Variants in BMP1 observed in about 807,000 individuals in gnomAD.
The protein encoded by BMP1 is mammalian tolloid protein.
BMP1 carries 63 observed loss-of-function variants against 116.8 expected under a neutral mutation model. That is an observed-to-expected ratio of 0.54 (90% CI 0.44 to 0.67). The LOEUF (loss-of-function observed/expected upper bound fraction) is 0.67. Among genes scored for constraint, BMP1 ranks in the 30% least tolerant of loss-of-function variants. The pLI is 0.00. For missense variants in BMP1, 1,183 were observed against 1,358.9 expected (o/e 0.87, Z 2.04); for synonymous variants, 536 against 533.4 (o/e 1.00, Z -0.07).
At chr8:22,198,010 C>T (rs1035361621) in intron 15 of BMP1, among the ~76,000 whole-genome samples, 1 of 152,056 alleles carries the variant, frequency 6.6e-6, no homozygotes, top group Non-Finnish European at 1.5e-5. Context: ...CATAGCGAGA[C>T]CCCATCTCTA....
chr8:22,207,132 T>G, intron 17 of BMP1, 151 bp downstream of exon 17: 1 of 1,428,624 alleles, frequency 7.0e-7, no homozygotes, highest in Non-Finnish European at 9.5e-7. Context: ...TTTCCCAGTA[T>G]AAATTAGGGG....
intron 15 of BMP1, chr8:22,201,073 A>AC: frequency 1.1e-4 from 78 of 704,550 alleles, no homozygotes; most frequent in Admixed American, 4.8e-4. Context: ...CCTGCCCTCC[A>AC]CCCCCACCCC....
At chr8:22,185,964 T>C (rs531448378) in intron 8 of BMP1, among the ~76,000 whole-genome samples, 1 of 151,606 alleles carries the variant, frequency 6.6e-6, no homozygotes, top group South Asian at 2.1e-4. Context: ...GCCTCCCCAG[T>C]AGCTGGGATT....
At position 22,165,882 on chromosome 8, in the gene BMP1, C is replaced by CGTGTGTGTGTGTGTGTGTGTGTGTGT. The variant is rs149003237; in HGVS notation, c.148+348_148+373dup. On this transcript the variant is annotated intron_variant, in intron 1 of 19. Coordinates refer to ENST00000306385, the MANE Select transcript of BMP1 (RefSeq NM_006129.5). ...TTTTCTGGCCAAACTCCTGTGCGTG[C>CGTGTGTGTGTGTGTGTGTGTGTGTGT]GTGTGTGTGTGTGTGTGTGTGTGTG... Among the ~76,000 whole-genome samples the CGTGTGTGTGTGTGTGTGTGTGTGTGT allele has an allele frequency of 1.2e-3, 164 of 131,416 alleles. 5 individuals are homozygous for CGTGTGTGTGTGTGTGTGTGTGTGTGT. The highest frequency in any genetic ancestry group is 4.0e-3 in the Middle Eastern group (1 of 252). The allele number at this position is 131,416 out of a possible 152,430, so 86.2% of individuals were successfully genotyped here. A position where few individuals can be genotyped will look rare whatever the true frequency, so the allele number is the denominator to read the frequency against.
chr8:22,170,516 G>A (rs1193801883), intron 1 of BMP1: 2 of 152,222 alleles, frequency 1.3e-5, no homozygotes, highest in African/African-American at 4.8e-5. Context: ...AGCCAACCTG[G>A]ATTCCAAGAC....
Position 22,179,557 on chromosome 8 carries a change from G to A in BMP1, c.837-148G>A. 1 of 1,376,680 alleles carries A rather than the reference G, an allele frequency of 7.3e-7. No individual in the cohort carries two copies. Among genetic ancestry groups the A allele is most frequent in the Non-Finnish European group, 9.8e-7 (1 of 1,021,020 alleles). The allele number at this position is 1,376,680 out of a possible 1,614,324, so 85.3% of individuals were successfully genotyped here. ...TGGTCAGTGGGTAGCATAATGACAG[G>A]GTGAGACGACTCCACCCGGCCCTGA... On this transcript the variant is annotated intron_variant, in intron 6 of 19. Coordinates refer to ENST00000306385, the MANE Select transcript of BMP1 (RefSeq NM_006129.5). The surrounding 1 kb of genome is among the most constrained non-coding windows in gnomAD (Gnocchi z 4.6).
intron 8 of BMP1, among the ~76,000 whole-genome samples, chr8:22,183,855 C>T (rs920006254): frequency 3.9e-5 from 6 of 152,128 alleles, no homozygotes; most frequent in East Asian, 1.9e-4. Flanking sequence ...GGATTACAGA[C>T]GTGAGCCGCC....
At chr8:22,207,844 C>T (rs1290739231) in intron 18 of BMP1, among the ~76,000 whole-genome samples, 1 of 152,130 alleles carries the variant, frequency 6.6e-6, no homozygotes, top group East Asian at 1.9e-4. Context: ...GAAATATACT[C>T]TATTCATTCT....
intron 15 of BMP1, 27 bp from the exon 16 acceptor site, chr8:22,201,776 C>A: frequency 1.2e-6 from 2 of 1,611,252 alleles, no homozygotes; most frequent in South Asian, 1.1e-5. Context: ...ACAGACCCAG[C>A]GTCTGCCCTT....
rs1828501763 is a variant in BMP1, at chr8:22,177,967, G to GGTGGGAGAATTCTCCAGGTGGGA, written c.836+11_836+12insTGGGAGAATTCTCCAGGTGGGAG. 1 of 1,598,030 alleles carries GGTGGGAGAATTCTCCAGGTGGGA rather than the reference G, an allele frequency of 6.3e-7. No homozygotes were observed. Among genetic ancestry groups the GGTGGGAGAATTCTCCAGGTGGGA allele is most frequent in the African/African-American group, 1.3e-5 (1 of 74,588 alleles). Reference sequence around the variant, plus strand: ...GGAACACATTCTCCAGGTGGGAGACGGGATTGGGGCTGGGCCTCTGCTCGG... The same window carrying GGTGGGAGAATTCTCCAGGTGGGA: ...GGAACACATTCTCCAGGTGGGAGACGGTGGGAGAATTCTCCAGGTGGGAGGATTGGGGCTGGGCCTCTGCTCGG... On this transcript the variant is annotated intron_variant, in intron 6 of 19. Coordinates refer to ENST00000306385, the MANE Select transcript of BMP1 (RefSeq NM_006129.5).
intron 15 of BMP1, chr8:22,198,355 T>C (rs1829152747): frequency 6.6e-6 from 1 of 152,114 alleles, no homozygotes; most frequent in African/African-American, 2.4e-5. Context: ...CATCTTCAGG[T>C]GGTCTCAATG....
At chr8:22,196,039 A>G (rs2131886031) in intron 13 of BMP1, 1 of 369,450 alleles carries the variant, frequency 2.7e-6, no homozygotes, top group South Asian at 2.0e-5. Flanking sequence ...CACATGTCAC[A>G]TTGCAACCCC....
intron 9 of BMP1, among the ~76,000 whole-genome samples, chr8:22,193,203 A>C (rs936501244): frequency 2.0e-5 from 3 of 152,134 alleles, no homozygotes; most frequent in Non-Finnish European, 2.9e-5. Flanking sequence ...ACTTATGTTG[A>C]TTCTTATTCA....
chr8:22,193,071 C>T (rs73225862), intron 9 of BMP1, among the ~76,000 whole-genome samples: 7,272 of 152,296 alleles, frequency 0.048, 275 homozygotes, highest in Admixed American at 0.092. Flanking sequence ...AACTTACATT[C>T]CTGGGCCAGC....
In BMP1 at chr8:22,174,684, A is replaced by G. The variant is rs148428695; in HGVS notation, c.262+969A>G. 3.1e-3 allele frequency among the ~76,000 whole-genome samples: 450 copies of G among 143,636 alleles called. 2 individuals are homozygous for G. Among genetic ancestry groups the G allele is most frequent in the African/African-American group, 0.011 (428 of 37,646 alleles). The allele number at this position is 143,636 out of a possible 152,430, so 94.2% of individuals were successfully genotyped here. A position where few individuals can be genotyped will look rare whatever the true frequency, so the allele number is the denominator to read the frequency against. ...GTCTCAGTCTGTTACCTAGGCTAGA[A>G]TGCAGTGGCACCATTTCGGCTCACT... On this transcript the variant is annotated intron_variant, in intron 2 of 19. Coordinates refer to ENST00000306385, the MANE Select transcript of BMP1 (RefSeq NM_006129.5).
intron 4 of BMP1, 81 bp from the exon 5 acceptor site, chr8:22,176,880 C>A (rs755496608): frequency 7.6e-5 from 99 of 1,294,214 alleles, no homozygotes; most frequent in Admixed American, 1.1e-4. Flanking sequence ...GCCGCCCCGC[C>A]CCCGGCAGCC....
chr8:22,176,289 T>A lies in BMP1; in HGVS notation c.409T>A (p.Phe137Ile). 6.2e-7 allele frequency: 1 copy of A among 1,604,124 alleles called. No individual in the cohort carries two copies. Among genetic ancestry groups the A allele is most frequent in the Non-Finnish European group, 8.5e-7 (1 of 1,174,126 alleles). ...TGTGTGGCCCGATGGGGTCATCCCC[T>A]TTGTCATTGGGGGAAACTTCACTGG... ...ERVWPDGVIP[F>I]VIGGNFTGSQ... Residue 137 changes from phenylalanine (F) to isoleucine (I), a missense_variant, in exon 3 of 20, where the codon TTT (phenylalanine) becomes ATT (isoleucine). Physicochemically the swap from Phe to Ile is conservative, Grantham distance 21. This residue lies in a region of BMP1 where 40 missense variants were observed against 47.5 expected (regional missense o/e 0.84). Transcript: ENST00000306385.
chr8:22,205,137 G>A (rs544504648), intron 16 of BMP1, among the ~76,000 whole-genome samples: 3 of 152,322 alleles, frequency 2.0e-5, no homozygotes, highest in African/African-American at 4.8e-5. Flanking sequence ...GCCATTCATG[G>A]TGGAAGGCCC....
intron 6 of BMP1, 46 bp downstream of exon 6, chr8:22,178,003 C>A: frequency 6.9e-7 from 1 of 1,443,794 alleles, no homozygotes; most frequent in Non-Finnish European, 9.6e-7. Context: ...GCAGCCCCAC[C>A]CTGCCCTCTG....
Sources: gnomAD v4.1 joint callset for allele counts (sites outside exome capture counted in the v4.1 genomes callset) on GRCh38, gnomAD v4.1.1 for gene constraint, gnomAD v4.1.1 regional missense constraint, Gnocchi (gnomAD v3.1) non-coding constraint, MANE v1.5 for transcripts, NCBI Gene and HGNC (gene_info 2026-07-23, HGNC 2026-07-21) for gene names.